The following UBAC2 variants were observed in gnomAD, a reference collection of about 807,000 sequenced individuals.
UBAC2 encodes ubiquitin-associated domain-containing protein 2.
Under a neutral mutation model 44.0 loss-of-function variants are expected in UBAC2, and 26 were observed. The ratio of observed to expected loss-of-function variants is 0.59; its 90% confidence interval spans 0.43 to 0.82. The LOEUF is 0.82. UBAC2 is among the 40% of genes least tolerant of loss of function. UBAC2 has a pLI of 0.00. For synonymous variants in UBAC2, 155 were observed against 154.3 expected (o/e 1.00, Z -0.04); for missense variants, 329 against 419.4 (o/e 0.78, Z 1.88).
intron 7 of UBAC2, among the ~76,000 whole-genome samples, chr13:99,342,768 G>A (rs1407806286): frequency 1.3e-5 from 2 of 152,200 alleles, no homozygotes; most frequent in African/African-American, 2.4e-5. Flanking sequence ...TCCCCTGACC[G>A]ACCAACCAGG....
chr13:99,215,013 A>T (rs1172112532), intron 1 of UBAC2, among the ~76,000 whole-genome samples: 1 of 150,512 alleles, frequency 6.6e-6, no homozygotes, highest in African/African-American at 2.4e-5. Context: ...GGGGGATATG[A>T]CCTTTATTGA....
chr13:99,322,907 C>T (rs2044588253), intron 6 of UBAC2, among the ~76,000 whole-genome samples: 1 of 152,134 alleles, frequency 6.6e-6, no homozygotes, highest in South Asian at 2.1e-4. Flanking sequence ...CTGTGATTTG[C>T]CTTTCTCTCT....
At chr13:99,246,469 T>A (rs1177243302) in intron 4 of UBAC2, among the ~76,000 whole-genome samples, 1 of 151,788 alleles carries the variant, frequency 6.6e-6, no homozygotes, top group African/African-American at 2.4e-5. Flanking sequence ...AGGCCAGTTC[T>A]TTTTGGTTCC....
intron 4 of UBAC2, among the ~76,000 whole-genome samples, chr13:99,284,351 T>G (rs1477639278): frequency 2.0e-5 from 3 of 152,262 alleles, no homozygotes; most frequent in Non-Finnish European, 4.4e-5. Flanking sequence ...AACTGCTGTT[T>G]CTTTTCAGTA....
At chr13:99,362,125 A>G (rs1236005961) in intron 7 of UBAC2, among the ~76,000 whole-genome samples, 3 of 152,236 alleles carry the variant, frequency 2.0e-5, no homozygotes, top group Non-Finnish European at 4.4e-5. Context: ...TGTAAATGGT[A>G]TATGTATATG....
chr13:99,332,058 T>C (rs1429141094), intron 6 of UBAC2, among the ~76,000 whole-genome samples: 1 of 152,110 alleles, frequency 6.6e-6, no homozygotes, highest in Non-Finnish European at 1.5e-5. Flanking sequence ...GGCAATATCA[T>C]GCCCCTGGGA....
At chr13:99,215,712 T>G in intron 1 of UBAC2, 1 of 1,500,054 alleles carries the variant, frequency 6.7e-7, no homozygotes, top group Non-Finnish European at 8.9e-7. Flanking sequence ...GGAAACCGCC[T>G]TTGTCTTGGC....
chr13:99,358,038 G>A (rs1426198267), intron 7 of UBAC2, among the ~76,000 whole-genome samples: 1 of 152,228 alleles, frequency 6.6e-6, no homozygotes, highest in Non-Finnish European at 1.5e-5. Context: ...TAGCCTGCAA[G>A]TGAAATGGGA....
chr13:99,215,442 G>A, intron 1 of UBAC2: 1 of 1,354,720 alleles, frequency 7.4e-7, no homozygotes, highest in Non-Finnish European at 1.1e-6. Flanking sequence ...ACCACCACCA[G>A]CAATTGTAGC....
chr13:99,376,494 GT>G (rs920730687), intron 8 of UBAC2, among the ~76,000 whole-genome samples: 1 of 152,252 alleles, frequency 6.6e-6, no homozygotes, highest in South Asian at 2.1e-4. Flanking sequence ...CGGAGCTGGA[GT>G]TTGCCATTGC....
intron 2 of UBAC2, among the ~76,000 whole-genome samples, chr13:99,239,034 T>C (rs1036133150): frequency 6.6e-6 from 1 of 152,246 alleles, no homozygotes; most frequent in African/African-American, 2.4e-5. Flanking sequence ...GAAGTGCTTT[T>C]CAAGGTTTCT....
intron 4 of UBAC2, among the ~76,000 whole-genome samples, chr13:99,300,454 A>C (rs1439960254): frequency 1.3e-5 from 2 of 152,220 alleles, no homozygotes; most frequent in Admixed American, 1.3e-4. Flanking sequence ...AGCCAATTTT[A>C]TGATCCCAAA....
At chr13:99,255,854 GA>G in intron 4 of UBAC2, 1 of 1,587,734 alleles carries the variant, frequency 6.3e-7, no homozygotes, top group South Asian at 1.2e-5. Context: ...GGTTGATCTT[GA>G]TTGTTCAGGG....
intron 7 of UBAC2, among the ~76,000 whole-genome samples, chr13:99,341,205 T>C (rs1425448495): frequency 1.3e-5 from 2 of 152,244 alleles, no homozygotes; most frequent in Non-Finnish European, 2.9e-5. Flanking sequence ...GACACTTCTG[T>C]GAGCCAGCCC....
chr13:99,245,471 T>A (rs569784161), intron 4 of UBAC2, among the ~76,000 whole-genome samples: 3 of 151,942 alleles, frequency 2.0e-5, no homozygotes, highest in South Asian at 2.1e-4. Flanking sequence ...TGATCTTCTT[T>A]AAAAAAAACA....
At chr13:99,380,983 C>T (rs1393828654) in intron 8 of UBAC2, among the ~76,000 whole-genome samples, 2 of 152,268 alleles carry the variant, frequency 1.3e-5, no homozygotes, top group Non-Finnish European at 2.9e-5. Flanking sequence ...AGCAGACGCT[C>T]TCTTCTGCCA....
intron 4 of UBAC2, chr13:99,308,882 T>G (rs1452919883): frequency 6.6e-6 from 1 of 152,240 alleles, no homozygotes; most frequent in Non-Finnish European, 1.5e-5. Context: ...AGAGATTTTA[T>G]GACTTGGTGG....
At chr13:99,384,448 ACTGC>A (rs2045591991) in intron 8 of UBAC2, among the ~76,000 whole-genome samples, 1 of 152,230 alleles carries the variant, frequency 6.6e-6, no homozygotes, top group Admixed American at 6.5e-5. Flanking sequence ...AATACTGGAG[ACTGC>A]CTGTAGAGAA....
chr13:99,234,346 C>T (rs1221703764), intron 1 of UBAC2: 3 of 333,382 alleles, frequency 9.0e-6, no homozygotes, highest in South Asian at 3.9e-5. Flanking sequence ...TGCCACCACG[C>T]CCGGGTAATT....
Sources: allele counts gnomAD v4.1 joint callset (sites outside exome capture counted in the v4.1 genomes callset), GRCh38; gene constraint gnomAD v4.1.1; transcripts MANE v1.5; gene names NCBI Gene and HGNC (gene_info 2026-07-23, HGNC 2026-07-21).